The following ATP6V0E1 variants were observed in gnomAD, a reference collection of about 807,000 sequenced individuals.
ATP6V0E1 encodes the protein ATPase H+ transporting V0 subunit e1.
In ATP6V0E1, 4 loss-of-function variants were observed where a neutral mutation model predicts 11.6. The observed-to-expected ratio is 0.35, with a 90% CI of 0.17 to 0.79. The LOEUF (loss-of-function observed/expected upper bound fraction) is 0.79, where lower values mean the gene tolerates loss of function less well. Ranked by LOEUF, ATP6V0E1 falls within the 30% of genes least tolerant of loss-of-function variation. The probability of loss-of-function intolerance (pLI) is 0.54; values close to 1 mark genes in which losing one functional copy is unlikely to be tolerated. For synonymous variants in ATP6V0E1, 36 were observed against 34.8 expected (o/e 1.04, Z -0.13); for missense variants, 105 against 100.0 (o/e 1.05, Z -0.21).
At chr5:173,032,259 TTATTTATTTA>T (rs1561778676) in intron 3 of ATP6V0E1, among the ~76,000 whole-genome samples, 2 of 116,752 alleles carry the variant, frequency 1.7e-5, no homozygotes, top group Non-Finnish European at 3.7e-5. Context: ...TTTTATTTAT[TTATTTATTTA>T]TTTATTTATT....
At chr5:173,032,373 C>T (rs976145218) in intron 3 of ATP6V0E1, among the ~76,000 whole-genome samples, 6 of 151,284 alleles carry the variant, frequency 4.0e-5, no homozygotes, top group Admixed American at 2.6e-4. Flanking sequence ...CTGCAACCTC[C>T]GCCTCCTGGG....
intron 3 of ATP6V0E1, among the ~76,000 whole-genome samples, chr5:173,021,538 T>A (rs773976583): frequency 1.3e-5 from 2 of 151,930 alleles, no homozygotes; most frequent in Non-Finnish European, 2.9e-5. Flanking sequence ...ACCAGGTCCC[T>A]CCCACAACAC....
chr5:172,994,992 CTCTA>C (rs1756037514), intron 2 of ATP6V0E1, among the ~76,000 whole-genome samples, 170 bp downstream of exon 2: 1 of 152,272 alleles, frequency 6.6e-6, no homozygotes, highest in Admixed American at 6.5e-5. Context: ...TGTACAGATA[CTCTA>C]TCCTTCTGGG....
intron 2 of ATP6V0E1, among the ~76,000 whole-genome samples, chr5:173,017,239 G>GA (rs1756412841): frequency 6.6e-6 from 1 of 152,172 alleles, no homozygotes. Flanking sequence ...CTTACCCTTA[G>GA]AAAGTGATTC....
chr5:173,018,354 C>T (rs1756434100), intron 2 of ATP6V0E1, among the ~76,000 whole-genome samples: 1 of 152,008 alleles, frequency 6.6e-6, no homozygotes, highest in Non-Finnish European at 1.5e-5. Context: ...ACTGAGTAGG[C>T]TGAGGAGGAG....
intron 2 of ATP6V0E1, among the ~76,000 whole-genome samples, chr5:173,001,837 G>A (rs1414348230): frequency 5.3e-5 from 8 of 151,484 alleles, no homozygotes; most frequent in African/African-American, 1.9e-4. Flanking sequence ...TCTTGCCTCA[G>A]CCTCCCGAGT....
chr5:173,007,184 AG>A (rs974650505), intron 2 of ATP6V0E1, among the ~76,000 whole-genome samples: 2 of 152,160 alleles, frequency 1.3e-5, no homozygotes, highest in African/African-American at 4.8e-5. Context: ...CATGTTGCCC[AG>A]GCTGGTCTTG....
At chr5:173,005,958 A>G (rs1204944401) in intron 2 of ATP6V0E1, among the ~76,000 whole-genome samples, 2 of 152,308 alleles carry the variant, frequency 1.3e-5, no homozygotes, top group East Asian at 3.9e-4. Flanking sequence ...ATGTGGTCAG[A>G]AGATATACTC....
chr5:172,995,244 C>T (rs890648847), intron 2 of ATP6V0E1, among the ~76,000 whole-genome samples: 8 of 152,210 alleles, frequency 5.3e-5, no homozygotes, highest in African/African-American at 1.4e-4. Context: ...GCTGGGGTTA[C>T]AGGCACACGC....
chr5:172,984,084 A>G, intron 1 of ATP6V0E1, 120 bp downstream of exon 1: 1 of 935,070 alleles, frequency 1.1e-6, no homozygotes, highest in Non-Finnish European at 1.7e-6. Context: ...CCCGCGCTGC[A>G]GAGTCAGGCC....
intron 2 of ATP6V0E1, among the ~76,000 whole-genome samples, chr5:173,009,456 CTT>C (rs920585185): frequency 6.7e-5 from 7 of 105,230 alleles, no homozygotes; most frequent in African/African-American, 2.0e-4. Context: ...AGCCACTTCC[CTT>C]TTTTTTTTTT....
At chr5:172,997,605 C>T (rs948022980) in intron 2 of ATP6V0E1, among the ~76,000 whole-genome samples, 6 of 149,162 alleles carry the variant, frequency 4.0e-5, no homozygotes, top group Non-Finnish European at 7.4e-5. Flanking sequence ...GTCAGGAGAT[C>T]GAGACCATCC....
At chr5:173,021,491 G>C (rs1261805499) in intron 3 of ATP6V0E1, among the ~76,000 whole-genome samples, 1 of 152,182 alleles carries the variant, frequency 6.6e-6, no homozygotes, top group Non-Finnish European at 1.5e-5. Context: ...CATGAGAACA[G>C]TATGGGGGAA....
At chr5:173,030,900 C>T (rs1756638827) in intron 3 of ATP6V0E1, among the ~76,000 whole-genome samples, 1 of 151,712 alleles carries the variant, frequency 6.6e-6, no homozygotes, top group Non-Finnish European at 1.5e-5. Flanking sequence ...AGGCATGCAC[C>T]ACCATGCTTG....
intron 2 of ATP6V0E1, among the ~76,000 whole-genome samples, chr5:172,997,443 CT>C (rs370971881): frequency 2.6e-5 from 4 of 151,652 alleles, no homozygotes; most frequent in African/African-American, 4.8e-5. Flanking sequence ...GAAATTCAGT[CT>C]TTTTTTTTCT....
intron 2 of ATP6V0E1, 127 bp from the exon 3 acceptor site, chr5:173,020,111 A>T: frequency 1.4e-6 from 1 of 701,690 alleles, no homozygotes; most frequent in Non-Finnish European, 2.5e-6. Flanking sequence ...CACAATGTAT[A>T]TGGAAAGTTT....
chr5:173,001,104 A>G (rs1267387416), intron 2 of ATP6V0E1, among the ~76,000 whole-genome samples: 2 of 152,228 alleles, frequency 1.3e-5, no homozygotes, highest in Non-Finnish European at 2.9e-5. Context: ...ACTTAGCCTT[A>G]TTAGAATTCA....
chr5:173,016,445 TA>T (rs2113603572), intron 2 of ATP6V0E1, among the ~76,000 whole-genome samples: 1 of 152,322 alleles, frequency 6.6e-6, no homozygotes, highest in East Asian at 1.9e-4. Flanking sequence ...CAGTATATTT[TA>T]AAAGTTCCCT....
chr5:173,011,871 T>C (rs920209104), intron 2 of ATP6V0E1, among the ~76,000 whole-genome samples: 2 of 152,126 alleles, frequency 1.3e-5, no homozygotes, highest in African/African-American at 4.8e-5. Context: ...CTTCCATCAA[T>C]TCAGAGTGGA....
Sources: gnomAD v4.1 joint callset for allele counts (sites outside exome capture counted in the v4.1 genomes callset) on GRCh38, gnomAD v4.1.1 for gene constraint, MANE v1.5 for transcripts, NCBI Gene and HGNC (gene_info 2026-07-23, HGNC 2026-07-21) for gene names.